ZNF267: variants seen among roughly 807,000 people sequenced by gnomAD.
ZNF267 encodes zinc finger (C2H2).
In ZNF267, 61 loss-of-function variants were observed where a neutral mutation model predicts 71.6. The observed-to-expected ratio is 0.85, with a 90% CI of 0.69 to 1.05. The LOEUF (loss-of-function observed/expected upper bound fraction) is 1.05. Among genes scored for constraint, ZNF267 ranks in the 50% least tolerant of loss-of-function variants. ZNF267 has a pLI of 0.00. For missense variants in ZNF267, 852 were observed against 870.0 expected, an observed-to-expected ratio of 0.98 and a Z score of 0.26; for synonymous variants, 288 against 293.2, an observed-to-expected ratio of 0.98 and a Z score of 0.18.
At chr16:31,902,018 C>T (rs533210189) in intron 3 of ZNF267, among the ~76,000 whole-genome samples, 1 of 152,286 alleles carries the variant, frequency 6.6e-6, no homozygotes, top group Admixed American at 6.5e-5. Flanking sequence ...ATATGGCTAG[C>T]CAGTTTTCCC....
At chr16:31,878,941 TTC>T (rs2083871620) in intron 1 of ZNF267, among the ~76,000 whole-genome samples, 1 of 152,184 alleles carries the variant, frequency 6.6e-6, no homozygotes, top group African/African-American at 2.4e-5. Flanking sequence ...AAAGAAATTT[TTC>T]TTTTTTTTTT....
intron 3 of ZNF267, among the ~76,000 whole-genome samples, chr16:31,897,910 A>C (rs753918241): frequency 1.3e-5 from 2 of 152,180 alleles, no homozygotes; most frequent in Non-Finnish European, 2.9e-5. Context: ...ATAATGTACC[A>C]TATGTGATTA....
At chr16:31,903,248 CT>C (rs1567236474) in intron 3 of ZNF267, among the ~76,000 whole-genome samples, 1 of 152,102 alleles carries the variant, frequency 6.6e-6, no homozygotes, top group Non-Finnish European at 1.5e-5. Context: ...CTAAAATTCT[CT>C]TTTTTTGTTG....
At chr16:31,907,910 A>C (rs1183134328) in intron 3 of ZNF267, among the ~76,000 whole-genome samples, 2 of 151,632 alleles carry the variant, frequency 1.3e-5, no homozygotes, top group Non-Finnish European at 2.9e-5. Context: ...GGGTGTGGTG[A>C]TGGGTGCTTG....
intron 3 of ZNF267, among the ~76,000 whole-genome samples, chr16:31,885,484 A>G (rs928527290): frequency 5.3e-5 from 8 of 152,208 alleles, no homozygotes; most frequent in African/African-American, 1.4e-4. Flanking sequence ...ATTCACAGTG[A>G]CAGCCAAAGT....
At chr16:31,882,149 C>T (rs1264524375) in intron 1 of ZNF267, among the ~76,000 whole-genome samples, 6 of 152,174 alleles carry the variant, frequency 3.9e-5, no homozygotes, top group Non-Finnish European at 5.9e-5. Context: ...GCTTAACTCA[C>T]ACCATGTGAT....
At chr16:31,880,838 C>T (rs2083884720) in intron 1 of ZNF267, among the ~76,000 whole-genome samples, 1 of 152,140 alleles carries the variant, frequency 6.6e-6, no homozygotes. Context: ...CAATTGCTTC[C>T]ATTTCATATG....
intron 3 of ZNF267, among the ~76,000 whole-genome samples, chr16:31,903,521 T>C (rs982665774): frequency 1.3e-5 from 2 of 152,112 alleles, no homozygotes; most frequent in African/African-American, 4.8e-5. Flanking sequence ...CTTGGGAGAG[T>C]GTATGTGTTG....
chr16:31,896,053 C>G (rs2083995902), intron 3 of ZNF267, among the ~76,000 whole-genome samples: 1 of 152,016 alleles, frequency 6.6e-6, no homozygotes, highest in Non-Finnish European at 1.5e-5. Context: ...ACTCTGTCAC[C>G]CAGGTTAGAG....
intron 1 of ZNF267, among the ~76,000 whole-genome samples, chr16:31,882,907 A>G (rs963056003): frequency 1.3e-5 from 2 of 152,154 alleles, no homozygotes; most frequent in Admixed American, 1.3e-4. Context: ...TTACTGAGTG[A>G]TGTCTATAAA....
chr16:31,890,971 A>G (rs1195415047), intron 3 of ZNF267, among the ~76,000 whole-genome samples: 1 of 152,192 alleles, frequency 6.6e-6, no homozygotes, highest in East Asian at 1.9e-4. Flanking sequence ...TTATTGATAC[A>G]TAAGGATTTA....
At chr16:31,904,792 G>T (rs1341625130) in intron 3 of ZNF267, among the ~76,000 whole-genome samples, 2 of 152,150 alleles carry the variant, frequency 1.3e-5, no homozygotes, top group Non-Finnish European at 2.9e-5. Flanking sequence ...TACATTTAAG[G>T]TTAATATTCT....
chr16:31,898,218 A>T (rs2084013905), intron 3 of ZNF267, among the ~76,000 whole-genome samples: 1 of 152,132 alleles, frequency 6.6e-6, no homozygotes. Flanking sequence ...TTATTATTAT[A>T]TAATGCCCTT....
At chr16:31,887,414 T>G (rs1490090458) in intron 3 of ZNF267, among the ~76,000 whole-genome samples, 2 of 152,182 alleles carry the variant, frequency 1.3e-5, no homozygotes, top group Non-Finnish European at 2.9e-5. Flanking sequence ...TGTTTTTATT[T>G]TTTGCTTTTT....
chr16:31,878,288 C>T (rs2142328954), intron 1 of ZNF267, among the ~76,000 whole-genome samples: 1 of 152,212 alleles, frequency 6.6e-6, no homozygotes, highest in South Asian at 2.1e-4. Context: ...GATTCCAGGT[C>T]TCCTGCTAGG....
intron 3 of ZNF267, among the ~76,000 whole-genome samples, chr16:31,900,481 G>A (rs1457073875): frequency 6.6e-6 from 1 of 151,970 alleles, no homozygotes; most frequent in East Asian, 1.9e-4. Flanking sequence ...GTCTCGCTCT[G>A]CCACCCAGGC....
intron 3 of ZNF267, among the ~76,000 whole-genome samples, chr16:31,909,444 T>C (rs1475353296): frequency 6.6e-6 from 1 of 152,154 alleles, no homozygotes; most frequent in Non-Finnish European, 1.5e-5. Flanking sequence ...TCCTCTTCAA[T>C]GTCTTTCATT....
chr16:31,892,780 A>G (rs763622842), intron 3 of ZNF267, among the ~76,000 whole-genome samples: 7 of 152,254 alleles, frequency 4.6e-5, no homozygotes, highest in Non-Finnish European at 7.3e-5. Context: ...TGCTGATGCA[A>G]GAGGTGGGCT....
chr16:31,882,961 C>T (rs2083900102), intron 1 of ZNF267, among the ~76,000 whole-genome samples: 1 of 152,128 alleles, frequency 6.6e-6, no homozygotes, highest in African/African-American at 2.4e-5. Context: ...TTTGGTTTCC[C>T]TTTGCTTGTA....
Sources: gnomAD v4.1 joint callset for allele counts (sites outside exome capture counted in the v4.1 genomes callset) on GRCh38, gnomAD v4.1.1 for gene constraint, MANE v1.5 for transcripts, NCBI Gene and HGNC (gene_info 2026-07-23, HGNC 2026-07-21) for gene names.